Variants in ZNF608 observed in about 807,000 individuals in gnomAD.
ZNF608 encodes zinc finger protein 608.
ZNF608 carries 12 observed loss-of-function variants against 109.0 expected under a neutral mutation model. That is an observed-to-expected ratio of 0.11 (90% confidence interval 0.07 to 0.18). The LOEUF (loss-of-function observed/expected upper bound fraction) is 0.18, where lower values mean the gene tolerates loss of function less well. Among genes scored for constraint, ZNF608 ranks in the 10% least tolerant of loss-of-function variants. The pLI is 1.00. For missense variants in ZNF608, 1,707 were observed against 1,879.3 expected, an observed-to-expected ratio of 0.91 and a Z score of 1.70; for synonymous variants, 732 against 717.4, an observed-to-expected ratio of 1.02 and a Z score of -0.33.
At chr5:124,724,649 C>A (rs1754068395) in intron 2 of ZNF608, among the ~76,000 whole-genome samples, 1 of 151,986 alleles carries the variant, frequency 6.6e-6, no homozygotes, top group African/African-American at 2.4e-5. Flanking sequence ...CAACCAGAGA[C>A]ACCTGGAATA....
intron 3 of ZNF608, among the ~76,000 whole-genome samples, chr5:124,680,363 G>C (rs1479926925): frequency 6.7e-6 from 1 of 150,028 alleles, no homozygotes; most frequent in Non-Finnish European, 1.5e-5. Flanking sequence ...AAAAAAAAAG[G>C]AAGATTTAAG....
At position 124,649,051 on chromosome 5, in the gene ZNF608, G is replaced by C. The variant is rs764264397; in HGVS notation, c.1333C>G (p.Pro445Ala). ...TCTGTGAAGCTGGCCTCGGAGCCCG[G>C]GGCAGCAGCAGCAGACCTCGCTCTC... ...GKRARSAAAA[P>A]GSEASFTESR... Residue 445 changes from proline to alanine, a missense_variant, in exon 5 of 10, where the codon CCG becomes GCG. Around this residue, in one of 7 missense-constraint regions of ZNF608, gnomAD observed 166 missense variants for 204.2 expected, o/e 0.81. Coordinates refer to ENST00000513986, the MANE Select transcript of ZNF608 (RefSeq NM_020747.3). 2.5e-6 allele frequency: 4 copies of C among 1,614,054 alleles called. No individual in the cohort carries two copies. The highest frequency in any genetic ancestry group is 2.5e-6 in the Non-Finnish European group (3 of 1,179,990).
At position 124,727,528 on chromosome 5, in the gene ZNF608, A is replaced by C. The variant is rs937920108; in HGVS notation, c.906+16556T>G. On this transcript the variant is annotated intron_variant, in intron 2 of 9. Coordinates refer to ENST00000513986, the MANE Select transcript of ZNF608 (RefSeq NM_020747.3). ...AAAGATATTAACAAATATGGAAAAA[A>C]GAAATATATAACATATATACTACTC... Among the ~76,000 whole-genome samples the C allele has an allele frequency of 3.9e-5, 6 of 152,148 alleles. No individual in the cohort carries two copies. In the South Asian group the frequency reaches 1.2e-3, roughly 32 times the overall value.
Position 124,644,276 on chromosome 5 carries a change from G to A in ZNF608, c.4091C>T (p.Ala1364Val), listed in dbSNP as rs747522952. ...ACTGTGCATTAGGACGGGAGAAACA[G>A]CCCGGTATGCAGGATGGCTGGGGTC... ...MYDPSHPAYR[A>V]VSPVLMHSYP... Residue 1364 changes from alanine (A) to valine (V), a missense_variant, in exon 6 of 10, where the codon GCT becomes GTT. Around this residue, in one of 7 missense-constraint regions of ZNF608, gnomAD observed 1,073 missense variants for 1,133.5 expected, o/e 0.95. Transcript: ENST00000513986. The A allele has an allele frequency of 6.2e-7, 1 of 1,612,496 alleles. No individual in the cohort carries two copies. The highest frequency in any genetic ancestry group is 2.2e-5 in the East Asian group (1 of 44,834).
At chr5:124,706,747 A>G (rs1012596045) in intron 2 of ZNF608, among the ~76,000 whole-genome samples, 2 of 152,220 alleles carry the variant, frequency 1.3e-5, no homozygotes, top group South Asian at 2.1e-4. Context: ...AAAAAGACCC[A>G]TAAGTCTAAC....
intron 2 of ZNF608, among the ~76,000 whole-genome samples, chr5:124,726,207 G>A (rs1439746249): frequency 1.3e-5 from 2 of 151,996 alleles, no homozygotes; most frequent in Admixed American, 6.6e-5. Flanking sequence ...CAATGGACAC[G>A]GCGCTGGCTC....
chr5:124,747,838 G>C (rs913302296), upstream of ZNF608, among the ~76,000 whole-genome samples: 3 of 152,272 alleles, frequency 2.0e-5, no homozygotes, highest in East Asian at 3.9e-4. Flanking sequence ...GGGGACGCCT[G>C]GGGGAGGGAG....
intron 8 of ZNF608, 58 bp downstream of exon 8, chr5:124,641,194 T>C (rs1750217873): frequency 1.2e-6 from 2 of 1,606,978 alleles, no homozygotes; most frequent in East Asian, 2.2e-5. Context: ...AATGCAATTT[T>C]AGCAACTGTT....
At chr5:124,697,637 T>G (rs1297829040) in intron 3 of ZNF608, among the ~76,000 whole-genome samples, 1 of 152,182 alleles carries the variant, frequency 6.6e-6, no homozygotes, top group African/African-American at 2.4e-5. Flanking sequence ...TAGTAACACT[T>G]TATTCCTGAG....
chr5:124,745,961 G>A (rs1324918851), intron 1 of ZNF608: 1 of 185,628 alleles, frequency 5.4e-6, no homozygotes, highest in African/African-American at 2.4e-5. Context: ...CTAGGTCAGA[G>A]AATTGCTCAC....
At chr5:124,694,887 C>T (rs371295008) in intron 3 of ZNF608, among the ~76,000 whole-genome samples, 6 of 152,194 alleles carry the variant, frequency 3.9e-5, no homozygotes, top group African/African-American at 1.4e-4. Flanking sequence ...TCACTGACAA[C>T]TTCCATGGCA....
At position 124,670,743 on chromosome 5, in the gene ZNF608, T is replaced by C. The variant is rs186987473; in HGVS notation, c.1163-21046A>G. The stretch of plus-strand genomic sequence containing the variant: ...GAAGCAAACAAGCTTGCCTTTTCTA[T>C]ACCGTTCCATCACACAAAACCCTTC... On this transcript the variant is annotated intron_variant, in intron 3 of 9. Coordinates refer to ENST00000513986, the MANE Select transcript of ZNF608 (RefSeq NM_020747.3). 1.7e-3 allele frequency among the ~76,000 whole-genome samples: 257 copies of C among 152,318 alleles called. 2 individuals are homozygous for C. Among genetic ancestry groups the C allele is most frequent in the African/African-American group, 5.8e-3 (241 of 41,572 alleles).
upstream of ZNF608, among the ~76,000 whole-genome samples, chr5:124,747,595 GTC>G (rs553415144): frequency 2.5e-3 from 382 of 150,314 alleles, 3 homozygotes; most frequent in African/African-American, 9.0e-3. Flanking sequence ...AAAGCTGAAA[GTC>G]TCTCCCCTCC....
upstream of ZNF608, among the ~76,000 whole-genome samples, chr5:124,747,477 T>C (rs192409717): frequency 2.0e-5 from 3 of 151,902 alleles, no homozygotes; most frequent in Non-Finnish European, 4.4e-5. Flanking sequence ...TTTGTTACAG[T>C]GCAAGCCTTT....
intron 3 of ZNF608, among the ~76,000 whole-genome samples, chr5:124,668,146 G>A (rs558982422): frequency 1.3e-5 from 2 of 149,678 alleles, no homozygotes; most frequent in Admixed American, 6.7e-5. Flanking sequence ...TGAGCTCAGG[G>A]GTTTGAGACC....
At chr5:124,741,676 G>A (rs1749411787) in intron 2 of ZNF608, among the ~76,000 whole-genome samples, 2 of 152,160 alleles carry the variant, frequency 1.3e-5, no homozygotes, top group Admixed American at 1.3e-4. Flanking sequence ...TCAGTAGGAA[G>A]CATTTTCTAA....
At chr5:124,688,516 G>C (rs4572999) in intron 3 of ZNF608, among the ~76,000 whole-genome samples, 112,288 of 152,160 alleles carry the variant, frequency 0.74, 41,786 homozygotes, top group East Asian at 0.86. Context: ...GAGATGGGCA[G>C]TCTCATCCAG....
rs950970044 is a variant in ZNF608, at chr5:124,709,472, A to G, written c.907-8203T>C. Reference sequence around the variant, plus strand: ...ATGTCTTAAATTTCTTTTGTTATGAAGCCAAATTAAATTCCTCCCTCAAAG... The same window carrying G: ...ATGTCTTAAATTTCTTTTGTTATGAGGCCAAATTAAATTCCTCCCTCAAAG... On this transcript the variant is annotated intron_variant, in intron 2 of 9. Coordinates refer to ENST00000513986, the MANE Select transcript of ZNF608 (RefSeq NM_020747.3). 1.4e-4 allele frequency among the ~76,000 whole-genome samples: 22 copies of G among 152,208 alleles called. 1 individual carries two copies. The highest frequency in any genetic ancestry group is 7.2e-4 in the Admixed American group (11 of 15,278).
Position 124,647,776 on chromosome 5 carries a change from C to G in ZNF608, c.2608G>C (p.Glu870Gln). 1 of 1,614,136 alleles carries G rather than the reference C, an allele frequency of 6.2e-7. No homozygotes were observed. Residue 870 changes from glutamate to glutamine, a missense_variant, in exon 5 of 10, where the codon GAG (glutamate) becomes CAG (glutamine). By Grantham distance (29) the Glu-to-Gln change is conservative (BLOSUM62 2). Transcript: ENST00000513986. ...KNEGLANGLS[E>Q]SQESRMASIK... ...CTGGCCATGCGGCTCTCCTGAGACT[C>G]CGACAGTCCATTTGCCAGCCCTTCA...
Sources: allele counts gnomAD v4.1 joint callset (sites outside exome capture counted in the v4.1 genomes callset), GRCh38; gene constraint gnomAD v4.1.1; regional missense constraint gnomAD v4.1.1; transcripts MANE v1.5; gene names NCBI Gene and HGNC (gene_info 2026-07-23, HGNC 2026-07-21).